CNTN4: variants seen among roughly 807,000 people sequenced by gnomAD.
CNTN4 encodes contactin 4, also known as contactin-4.
Under a neutral mutation model 122.5 loss-of-function variants are expected in CNTN4, and 77 were observed. That is an observed-to-expected ratio of 0.63 (90% CI 0.52 to 0.76). The LOEUF (loss-of-function observed/expected upper bound fraction) is 0.76, where lower values mean the gene tolerates loss of function less well. Among genes scored for constraint, CNTN4 ranks in the 30% least tolerant of loss-of-function variants. The pLI is 0.00. For synonymous variants in CNTN4, 512 were observed against 447.0 expected (o/e 1.15, Z -1.83); for missense variants, 1,256 against 1,259.1 (o/e 1.00, Z 0.04).
intron 2 of CNTN4, among the ~76,000 whole-genome samples, chr3:2,175,352 G>A (rs754937854): frequency 1.3e-5 from 2 of 151,814 alleles, no homozygotes; most frequent in Non-Finnish European, 2.9e-5. Flanking sequence ...CTTCATGGCC[G>A]AGTTTACCAT....
At chr3:2,506,731 A>T (rs980975933) in intron 3 of CNTN4, among the ~76,000 whole-genome samples, 1 of 152,202 alleles carries the variant, frequency 6.6e-6, no homozygotes, top group East Asian at 1.9e-4. Context: ...AATCATAGAG[A>T]TAGAAAGAAA....
rs552097465 is a variant in CNTN4 at position 3,046,487 on chromosome 3, GA to G, written c.2811+2787del. Among the ~76,000 whole-genome samples the G allele has an allele frequency of 7.2e-5, 11 of 152,290 alleles. 1 individual carries two copies. The South Asian group carries it at 1.7e-3, about 23-fold the overall frequency. On this transcript the variant is annotated intron_variant, in intron 23 of 24. Coordinates refer to ENST00000418658, the MANE Select transcript of CNTN4 (RefSeq NM_175607.3). ...GGGGCCAATATTCAACATTCTTAAA[GA>G]AAAGAATTTTCAATCCAGAACTTCA...
At chr3:2,389,350 TCTC>T in intron 3 of CNTN4, among the ~76,000 whole-genome samples, 1 of 138,750 alleles carries the variant, frequency 7.2e-6, no homozygotes, top group Non-Finnish European at 1.5e-5. Context: ...ATTATGTTGT[TCTC>T]GGAGAAACCT....
At chr3:3,038,611 A>T (rs1699848636) in intron 18 of CNTN4, among the ~76,000 whole-genome samples, 1 of 152,154 alleles carries the variant, frequency 6.6e-6, no homozygotes, top group Non-Finnish European at 1.5e-5. Context: ...ATAACCAAAC[A>T]TTAGGACCAG....
At chr3:2,236,047 G>C (rs1393967997) in intron 2 of CNTN4, among the ~76,000 whole-genome samples, 3 of 152,152 alleles carry the variant, frequency 2.0e-5, no homozygotes, top group Non-Finnish European at 4.4e-5. Context: ...TGGTCAAGTT[G>C]AGTTTTGAGG....
chr3:2,700,007 CTGAG>C (rs1220820368), intron 4 of CNTN4, among the ~76,000 whole-genome samples: 1 of 152,070 alleles, frequency 6.6e-6, no homozygotes, highest in Non-Finnish European at 1.5e-5. Flanking sequence ...GTCTATGACT[CTGAG>C]TATCTCTGAA....
At chr3:2,360,841 T>C (rs1016829589) in intron 3 of CNTN4, among the ~76,000 whole-genome samples, 3 of 152,138 alleles carry the variant, frequency 2.0e-5, no homozygotes, top group African/African-American at 7.2e-5. Flanking sequence ...GGGATTACAA[T>C]TCAAGATGAG....
At chr3:2,901,958 C>T (rs2094179022) in intron 11 of CNTN4, among the ~76,000 whole-genome samples, 1 of 151,986 alleles carries the variant, frequency 6.6e-6, no homozygotes, top group Admixed American at 6.6e-5. Context: ...TCAGTGAGAC[C>T]AATGTAAGTT....
At chr3:2,932,202 C>G (rs536650926) in intron 13 of CNTN4, among the ~76,000 whole-genome samples, 1 of 151,916 alleles carries the variant, frequency 6.6e-6, no homozygotes, top group African/African-American at 2.4e-5. Context: ...ACGGTGAAAC[C>G]CTCTCTTTAC....
chr3:2,714,434 G>T (rs953110789), intron 4 of CNTN4, among the ~76,000 whole-genome samples: 1 of 152,116 alleles, frequency 6.6e-6, no homozygotes, highest in African/African-American at 2.4e-5. Flanking sequence ...AAGTGTTGGG[G>T]TTGGAGATGT....
chr3:2,727,130 A>G (rs141137849), intron 4 of CNTN4, among the ~76,000 whole-genome samples: 1 of 152,316 alleles, frequency 6.6e-6, no homozygotes, highest in South Asian at 2.1e-4. Context: ...TTGGAATCCA[A>G]TCTAGTCCCA....
chr3:2,921,237 G>A (rs1332973286), intron 12 of CNTN4, among the ~76,000 whole-genome samples: 1 of 152,144 alleles, frequency 6.6e-6, no homozygotes, highest in Non-Finnish European at 1.5e-5. Context: ...GAGTCTCACT[G>A]TGTCACCGAG....
intron 2 of CNTN4, among the ~76,000 whole-genome samples, chr3:2,110,046 T>C (rs1287708502): frequency 6.6e-6 from 1 of 152,258 alleles, no homozygotes; most frequent in Non-Finnish European, 1.5e-5. Context: ...TGGATATCCC[T>C]GTAAAATGTC....
chr3:2,345,505 A>T (rs927205517), intron 3 of CNTN4, among the ~76,000 whole-genome samples: 2 of 152,166 alleles, frequency 1.3e-5, no homozygotes, highest in Admixed American at 6.6e-5. Context: ...GGATTATGCT[A>T]TGTTGAATGG....
chr3:2,294,989 C>G (rs1364216466), intron 2 of CNTN4, among the ~76,000 whole-genome samples: 1 of 151,996 alleles, frequency 6.6e-6, no homozygotes, highest in African/African-American at 2.4e-5. Context: ...CATCCATGTC[C>G]CTACAAAGGA....
intron 3 of CNTN4, among the ~76,000 whole-genome samples, chr3:2,340,075 A>G (rs936746048): frequency 5.3e-5 from 8 of 152,194 alleles, no homozygotes; most frequent in African/African-American, 9.7e-5. Flanking sequence ...ATTAGGGCCC[A>G]TGCTAATCTA....
rs554250610 is a variant in CNTN4 at position 2,800,453 on chromosome 3, A to G, written c.359-19033A>G. On this transcript the variant is annotated intron_variant, in intron 6 of 24. Transcript: ENST00000418658. The stretch of plus-strand genomic sequence containing the variant: ...TTTACATACCACTAAAGTTCTTATT[A>G]TCTGTTTTGAATCTGGTAATTGTCC... Among the ~76,000 whole-genome samples, 3 of 152,254 alleles carry G rather than the reference A, an allele frequency of 2.0e-5. No homozygotes were observed. In the South Asian group the frequency reaches 6.2e-4, roughly 32 times the overall value.
intron 4 of CNTN4, among the ~76,000 whole-genome samples, chr3:2,646,034 ATTTG>A (rs1341495428): frequency 6.6e-6 from 1 of 152,176 alleles, no homozygotes; most frequent in Admixed American, 6.5e-5. Context: ...AGAGCTTAGT[ATTTG>A]TTTGTTTCTT....
At chr3:2,964,917 C>T (rs1692146095) in intron 13 of CNTN4, among the ~76,000 whole-genome samples, 1 of 152,206 alleles carries the variant, frequency 6.6e-6, no homozygotes, top group Middle Eastern at 3.4e-3. Context: ...CACTCATTCA[C>T]AGTAAATTTA....
Sources: allele counts gnomAD v4.1 joint callset (sites outside exome capture counted in the v4.1 genomes callset), GRCh38; gene constraint gnomAD v4.1.1; transcripts MANE v1.5; gene names NCBI Gene and HGNC (gene_info 2026-07-23, HGNC 2026-07-21).